Variants in NEGR1 observed in about 807,000 individuals in gnomAD.
NEGR1 encodes the protein neuronal growth regulator 1, also known as IgLON family member 4.
Under a neutral mutation model 40.9 loss-of-function variants are expected in NEGR1, and 10 were observed. The observed-to-expected ratio is 0.24, with a 90% CI of 0.15 to 0.42. The LOEUF is 0.42. Among genes scored for constraint, NEGR1 ranks in the 10% least tolerant of loss-of-function variants. The probability of loss-of-function intolerance (pLI) is 1.00; values close to 1 mark genes in which losing one functional copy is unlikely to be tolerated. For synonymous variants in NEGR1, 185 were observed against 166.8 expected (o/e 1.11, Z -0.84); for missense variants, 352 against 438.9 (o/e 0.80, Z 1.77).
rs1646876594 is a variant in NEGR1 at position 71,484,862 on chromosome 1, G to T, written c.941-77292C>A. 3.3e-5 allele frequency: 5 copies of T among 151,584 alleles called. No individual in the cohort carries two copies. The Admixed American group carries it at 3.3e-4, about 10-fold the overall frequency. The allele number at this position is 151,584 out of a possible 1,614,324, so 9.4% of individuals were successfully genotyped here. A position where few individuals can be genotyped will look rare whatever the true frequency, so the allele number is the denominator to read the frequency against. Reference sequence around the variant, plus strand: ...GTGAGTAAAATGCAAATACAAGAAAGTACTTCCAACTCACTAAGAGCTCTT... The same window carrying T: ...GTGAGTAAAATGCAAATACAAGAAATTACTTCCAACTCACTAAGAGCTCTT... On this transcript the variant is annotated intron_variant, in intron 6 of 6. Transcript: ENST00000357731.
chr1:71,776,388 G>T, intron 2 of NEGR1, 91 bp from the exon 3 acceptor site: 3 of 730,784 alleles, frequency 4.1e-6, no homozygotes, highest in Non-Finnish European at 6.2e-6. Flanking sequence ...ATGCAAGAAA[G>T]GTATGAGGGT....
intron 1 of NEGR1, among the ~76,000 whole-genome samples, chr1:72,006,533 G>A (rs1378678091): frequency 3.3e-5 from 5 of 151,990 alleles, no homozygotes; most frequent in East Asian, 1.9e-4. Flanking sequence ...TAGGATATTC[G>A]GAAAGGAAAA....
chr1:71,697,901 A>G, intron 4 of NEGR1, 107 bp downstream of exon 4: 1 of 1,070,036 alleles, frequency 9.3e-7, no homozygotes, highest in South Asian at 1.6e-5. Context: ...GGTGATTTTT[A>G]CCAATAGACA....
intron 6 of NEGR1, among the ~76,000 whole-genome samples, chr1:71,494,365 G>A (rs549213126): frequency 6.6e-6 from 1 of 152,300 alleles, no homozygotes; most frequent in Non-Finnish European, 1.5e-5. Flanking sequence ...CAGCTTCCCT[G>A]ATTGGCAAAC....
intron 1 of NEGR1, among the ~76,000 whole-genome samples, chr1:72,086,771 T>A (rs1369796041): frequency 6.6e-6 from 1 of 152,206 alleles, no homozygotes; most frequent in East Asian, 1.9e-4. Context: ...TAAGGTCGTG[T>A]TATATTTATT....
At chr1:71,695,456 G>C (rs717350) in intron 4 of NEGR1, among the ~76,000 whole-genome samples, 75,511 of 151,374 alleles carry the variant, frequency 0.5, 18,872 homozygotes, top group East Asian at 0.65. Flanking sequence ...GAAATTTATT[G>C]TTAAAAAAGG....
At chr1:72,040,322 A>G (rs926857876) in intron 1 of NEGR1, among the ~76,000 whole-genome samples, 6 of 151,902 alleles carry the variant, frequency 3.9e-5, no homozygotes, top group Non-Finnish European at 8.8e-5. Context: ...TGCAATAGAA[A>G]TAGACAAGAG....
chr1:71,907,065 C>T (rs1661296705), intron 2 of NEGR1, among the ~76,000 whole-genome samples: 1 of 152,130 alleles, frequency 6.6e-6, no homozygotes, highest in Non-Finnish European at 1.5e-5. Context: ...AGTCCTCTTC[C>T]CCTCTCTTTA....
chr1:71,539,735 A>G (rs1178523873), intron 6 of NEGR1, among the ~76,000 whole-genome samples: 1 of 151,768 alleles, frequency 6.6e-6, no homozygotes, highest in African/African-American at 2.4e-5. Flanking sequence ...ATATTGCCAT[A>G]CTTAATAGGT....
chr1:72,230,728 A>G (rs1654334461), intron 1 of NEGR1, among the ~76,000 whole-genome samples: 1 of 152,176 alleles, frequency 6.6e-6, no homozygotes, highest in African/African-American at 2.4e-5. Context: ...TAATCCTATT[A>G]TATCCAAAAT....
chr1:72,154,835 G>A (rs1387618243), intron 1 of NEGR1, among the ~76,000 whole-genome samples: 1 of 151,880 alleles, frequency 6.6e-6, no homozygotes, highest in Non-Finnish European at 1.5e-5. Context: ...TTATCCTTCA[G>A]GATGAAGGTC....
At chr1:72,202,013 G>A (rs776933683) in intron 1 of NEGR1, among the ~76,000 whole-genome samples, 4 of 151,658 alleles carry the variant, frequency 2.6e-5, no homozygotes, top group Non-Finnish European at 5.9e-5. Context: ...CCAACATCAC[G>A]TACTTACTTC....
intron 2 of NEGR1, among the ~76,000 whole-genome samples, chr1:71,930,633 G>C (rs190151398): frequency 2.8e-4 from 42 of 152,130 alleles, no homozygotes; most frequent in East Asian, 1.9e-4. Flanking sequence ...CTTTATAAAG[G>C]CTTTCTCAAA....
In NEGR1 at chr1:71,809,126, G is replaced by T. The variant is rs572234633; in HGVS notation, c.410-32829C>A. Among the ~76,000 whole-genome samples the T allele has an allele frequency of 2.0e-3, 301 of 152,204 alleles. 1 individual carries two copies. Among genetic ancestry groups the T allele is most frequent in the African/African-American group, 7.0e-3 (291 of 41,538 alleles). On this transcript the variant is annotated intron_variant, in intron 2 of 6. Coordinates refer to ENST00000357731, the MANE Select transcript of NEGR1 (RefSeq NM_173808.3). Reference sequence around the variant, plus strand: ...GGCACTGATAAGTGATGGATACACAGGAAAGAAAAATGGCTATCCCTCCAT... The same window carrying T: ...GGCACTGATAAGTGATGGATACACATGAAAGAAAAATGGCTATCCCTCCAT...
intron 1 of NEGR1, among the ~76,000 whole-genome samples, chr1:71,991,660 C>A (rs1395937010): frequency 1.3e-5 from 2 of 150,014 alleles, no homozygotes; most frequent in Admixed American, 6.6e-5. Context: ...TGCTTACCTA[C>A]TTAATCCACT....
chr1:72,214,528 C>A (rs929939651), intron 1 of NEGR1, among the ~76,000 whole-genome samples: 3 of 152,104 alleles, frequency 2.0e-5, no homozygotes, highest in African/African-American at 7.2e-5. Context: ...TCTCAGGATA[C>A]AAAATTGATG....
chr1:72,168,923 A>G (rs1420205582), intron 1 of NEGR1, among the ~76,000 whole-genome samples: 1 of 152,074 alleles, frequency 6.6e-6, no homozygotes, highest in Non-Finnish European at 1.5e-5. Flanking sequence ...ACAAACAAAC[A>G]AAAACTAAGA....
At chr1:72,006,829 A>G (rs571548277) in intron 1 of NEGR1, among the ~76,000 whole-genome samples, 1 of 152,300 alleles carries the variant, frequency 6.6e-6, no homozygotes, top group Admixed American at 6.5e-5. Context: ...CCTTTGACCC[A>G]GAGCTGAATA....
Position 72,282,340 on chromosome 1 carries a change from T to A in NEGR1, c.155A>T (p.Lys52Ile), listed in dbSNP as rs1656290360. ...WAAVDNMMVR[K>I]GDTAVLRCYL... ...CTACCTAAGCACCGCCGTGTCCCCT[T>A]TTCTGACCATCATGTTGTCCACGGC... Residue 52 changes from lysine to isoleucine, a missense_variant, in exon 1 of 7, where the codon AAA becomes ATA. By Grantham distance (102) the Lys-to-Ile change is moderately radical. Around this residue, in one of 5 missense-constraint regions of NEGR1, gnomAD observed 81 missense variants for 85.8 expected, o/e 0.94. Coordinates refer to ENST00000357731, the MANE Select transcript of NEGR1 (RefSeq NM_173808.3). 2 of 1,613,922 alleles carry A rather than the reference T, an allele frequency of 1.2e-6. No homozygotes were observed. The highest frequency in any genetic ancestry group is 2.7e-5 in the African/African-American group (2 of 74,904).
Sources: allele counts gnomAD v4.1 joint callset (sites outside exome capture counted in the v4.1 genomes callset), GRCh38; gene constraint gnomAD v4.1.1; regional missense constraint gnomAD v4.1.1; transcripts MANE v1.5; gene names NCBI Gene and HGNC (gene_info 2026-07-23, HGNC 2026-07-21).